CDH23: variants seen among roughly 807,000 people sequenced by gnomAD.
The protein encoded by CDH23 is cadherin-23.
In CDH23, 189 loss-of-function variants were observed where a neutral mutation model predicts 317.1. That is an observed-to-expected ratio of 0.60 (90% CI 0.53 to 0.67). CDH23 has a LOEUF of 0.67. Among genes scored for constraint, CDH23 ranks in the 30% least tolerant of loss-of-function variants. The probability of loss-of-function intolerance (pLI) is 0.00; values close to 1 mark genes in which losing one functional copy is unlikely to be tolerated. For missense variants in CDH23, 4,401 were observed against 4,592.4 expected (o/e 0.96, Z 1.20); for synonymous variants, 1,839 against 1,876.8 (o/e 0.98, Z 0.52).
chr10:71,703,399 G>C (rs1224011396), intron 24 of CDH23, among the ~76,000 whole-genome samples: 1 of 152,196 alleles, frequency 6.6e-6, no homozygotes, highest in Non-Finnish European at 1.5e-5. Context: ...TGTGTACTTG[G>C]AGCAAACTGC....
chr10:71,598,093 C>T (rs895314461), intron 9 of CDH23, among the ~76,000 whole-genome samples: 2 of 152,270 alleles, frequency 1.3e-5, no homozygotes, highest in South Asian at 2.1e-4. Context: ...CTTCCTGAGG[C>T]TCCACCCGGC....
chr10:71,451,541 C>CA (rs1438000068), intron 3 of CDH23, among the ~76,000 whole-genome samples: 1 of 152,232 alleles, frequency 6.6e-6, no homozygotes, highest in Non-Finnish European at 1.5e-5. Context: ...GTCTTTGCAG[C>CA]TGTTGTTCCT....
At chr10:71,742,018 C>A in intron 38 of CDH23, 97 bp downstream of exon 38, 1 of 1,017,590 alleles carries the variant, frequency 9.8e-7, no homozygotes, top group Non-Finnish European at 1.4e-6. Context: ...GAATTCCACA[C>A]AGCAGGCGAA....
intron 3 of CDH23, among the ~76,000 whole-genome samples, chr10:71,482,507 T>G (rs1852121498): frequency 6.6e-6 from 1 of 152,202 alleles, no homozygotes; most frequent in Admixed American, 6.5e-5. Flanking sequence ...TAGGCCATAG[T>G]GGACACCTGA....
At chr10:71,737,350 G>T (rs988143780) in intron 34 of CDH23, among the ~76,000 whole-genome samples, 2 of 152,246 alleles carry the variant, frequency 1.3e-5, no homozygotes, top group East Asian at 3.8e-4. Flanking sequence ...TGGAAAATCA[G>T]AGAGCTTGAA....
At chr10:71,721,632 C>G (rs1866560888) in intron 28 of CDH23, among the ~76,000 whole-genome samples, 1 of 152,210 alleles carries the variant, frequency 6.6e-6, no homozygotes, top group Non-Finnish European at 1.5e-5. Flanking sequence ...CGTCCTCCTC[C>G]CCACCATCAA....
intron 14 of CDH23, chr10:71,646,878 CCGAG>C: frequency 7.0e-7 from 1 of 1,436,794 alleles, no homozygotes; most frequent in Middle Eastern, 2.5e-4. Context: ...CTGCCTTTCC[CCGAG>C]AGAGACTCAG....
In CDH23 at chr10:71,694,270, T is replaced by C. The variant is rs774626159; in HGVS notation, c.2289+11T>C. On this transcript the variant is annotated intron_variant, in intron 21 of 69. Coordinates refer to ENST00000224721, the MANE Select transcript of CDH23 (RefSeq NM_022124.6). ...ACTGGCATCGCCACCGTGAGTGCGCTCCCCTCCCGTGCCCCAGCTCCCCCT... is the reference window on the plus strand; with the variant it reads ...ACTGGCATCGCCACCGTGAGTGCGCCCCCCTCCCGTGCCCCAGCTCCCCCT... 27 of 1,598,642 alleles carry C rather than the reference T, an allele frequency of 1.7e-5. No homozygotes were observed. The highest frequency in any genetic ancestry group is 2.3e-5 in the Non-Finnish European group (27 of 1,168,954).
Position 71,811,363 on chromosome 10 carries a change from C to G in CDH23, c.9126C>G (p.Phe3042Leu). Reference sequence around the variant, plus strand: ...ACAAGGAGCAGCTACGGAATCTTTTCCGGAACTACAACGTCCTGGACGTGC... The same window carrying G: ...ACAAGGAGCAGCTACGGAATCTTTTGCGGAACTACAACGTCCTGGACGTGC... ...DENKEQLRNL[F>L]RNYNVLDVQP... is the part of the protein sequence containing the mutation. Residue 3042 changes from phenylalanine to leucine, a missense_variant, in exon 63 of 70, where the codon TTC (phenylalanine) becomes TTG (leucine). By Grantham distance (22) the Phe-to-Leu change is conservative. Coordinates refer to ENST00000224721, the MANE Select transcript of CDH23 (RefSeq NM_022124.6). The G allele has an allele frequency of 6.2e-7, 1 of 1,613,962 alleles. No homozygotes were observed. The highest frequency in any genetic ancestry group is 1.3e-5 in the African/African-American group (1 of 75,018).
At chr10:71,667,412 G>A (rs1412480021) in intron 14 of CDH23, among the ~76,000 whole-genome samples, 3 of 150,844 alleles carry the variant, frequency 2.0e-5, no homozygotes, top group African/African-American at 7.3e-5. Flanking sequence ...GTGTGTGTGA[G>A]GGGTGGAGGT....
chr10:71,789,336 AC>A (rs1841183536), intron 45 of CDH23, among the ~76,000 whole-genome samples: 1 of 152,084 alleles, frequency 6.6e-6, no homozygotes, highest in South Asian at 2.1e-4. Context: ...TGTGAGGACT[AC>A]CCCGGAGGGG....
Position 71,698,698 on chromosome 10 carries a change from G to A in CDH23, c.2397+3173G>A, listed in dbSNP as rs142800935. On this transcript the variant is annotated intron_variant, in intron 22 of 69. Coordinates refer to ENST00000224721, the MANE Select transcript of CDH23 (RefSeq NM_022124.6). ...TCATCTGTCCCAGCTTAAAACGTCAGCTGTCTTAGAGAGGCCCTGCCTGAC... is the reference window on the plus strand; with the variant it reads ...TCATCTGTCCCAGCTTAAAACGTCAACTGTCTTAGAGAGGCCCTGCCTGAC... 6.2e-3 allele frequency among the ~76,000 whole-genome samples: 938 copies of A among 152,276 alleles called. 10 individuals are homozygous for A. The highest frequency in any genetic ancestry group is 0.022 in the African/African-American group (899 of 41,534).
rs138528294 is a variant in CDH23 at position 71,485,219 on chromosome 10, G to A, written c.146-24863G>A. The stretch of plus-strand genomic sequence containing the variant: ...TTTTTGTATTTTTAGTAGAGACGGG[G>A]TTTCACCGTGTTAGCCAGCATGGTC... On this transcript the variant is annotated intron_variant, in intron 3 of 69. Transcript: ENST00000224721. 5.5e-3 allele frequency among the ~76,000 whole-genome samples: 838 copies of A among 152,080 alleles called. 33 individuals are homozygous for A. In the East Asian group the frequency reaches 0.12, roughly 22 times the overall value.
chr10:71,716,239 A>T lies in CDH23; in HGVS notation c.3369+3426A>T, dbSNP rs1408004760. ...GGGCGATGAGCATGGGGAGGGGGTC[A>T]GTTGCCTCTGCAAGGGTCCCGGGAG... On this transcript the variant is annotated intron_variant, in intron 28 of 69. Transcript: ENST00000224721. 5 of 1,550,116 alleles carry T rather than the reference A, an allele frequency of 3.2e-6. No individual in the cohort carries two copies. The Admixed American group carries it at 5.9e-5, about 18-fold the overall frequency.
chr10:71,469,679 C>T (rs1441055294), intron 3 of CDH23, among the ~76,000 whole-genome samples: 5 of 151,692 alleles, frequency 3.3e-5, no homozygotes, highest in African/African-American at 7.3e-5. Context: ...AATCTCAGCT[C>T]GCTGCAACCT....
chr10:71,796,029 G>A (rs1371360576), intron 48 of CDH23: 31 of 986,656 alleles, frequency 3.1e-5, no homozygotes, highest in East Asian at 1.1e-4. Context: ...CTGGGGGACA[G>A]GGAGCGAGAG....
chr10:71,789,064 G>T lies in CDH23; in HGVS notation c.5923+22G>T, dbSNP rs375203757. On this transcript the variant is annotated intron_variant, in intron 45 of 69. Transcript: ENST00000224721. ...GCTGGTAGGTGCTGGGCCCACCCGG[G>T]AGCTCCTGCTGTTGCCAGGCACCAC... 5 of 1,213,512 alleles carry T rather than the reference G, an allele frequency of 4.1e-6. No individual in the cohort carries two copies. The Admixed American group carries it at 5.1e-5, about 12-fold the overall frequency. The allele number at this position is 1,213,512 out of a possible 1,614,324, so 75.2% of individuals were successfully genotyped here.
intron 6 of CDH23, among the ~76,000 whole-genome samples, chr10:71,527,265 G>A (rs779384813): frequency 3.9e-5 from 6 of 152,268 alleles, no homozygotes; most frequent in East Asian, 1.9e-4. Flanking sequence ...CAGCCGCCCT[G>A]CCTCCTTCTG....
At chr10:71,663,543 A>G (rs1473696571) in intron 14 of CDH23, among the ~76,000 whole-genome samples, 2 of 151,894 alleles carry the variant, frequency 1.3e-5, no homozygotes, top group East Asian at 3.9e-4. Context: ...TGGACTTTTA[A>G]CCTCTGGCCT....
Sources: allele counts gnomAD v4.1 joint callset (sites outside exome capture counted in the v4.1 genomes callset), GRCh38; gene constraint gnomAD v4.1.1; transcripts MANE v1.5; gene names NCBI Gene and HGNC (gene_info 2026-07-23, HGNC 2026-07-21).